Variants in SETD3 observed in about 807,000 individuals in gnomAD.
SETD3 encodes SET domain containing 3, actin N3(tau)-histidine methyltransferase.
In SETD3, 19 loss-of-function variants were observed where a neutral mutation model predicts 63.0. That is an observed-to-expected ratio of 0.30 (90% CI 0.21 to 0.44). The LOEUF (loss-of-function observed/expected upper bound fraction) is 0.44. Among genes scored for constraint, SETD3 ranks in the 20% least tolerant of loss-of-function variants. The probability of loss-of-function intolerance (pLI) is 1.00; values close to 1 mark genes in which losing one functional copy is unlikely to be tolerated. For missense variants in SETD3, 587 were observed against 728.5 expected (o/e 0.81, Z 2.24); for synonymous variants, 286 against 264.1 (o/e 1.08, Z -0.80).
chr14:99,476,542 G>A (rs532468596), intron 1 of SETD3, among the ~76,000 whole-genome samples: 46 of 152,296 alleles, frequency 3.0e-4, no homozygotes, highest in Admixed American at 2.6e-3. Flanking sequence ...ACCATGAGGT[G>A]ACCATGACAT....
At chr14:99,412,886 C>T (rs1186217371) in intron 8 of SETD3, 65 bp downstream of exon 8, 2 of 1,131,526 alleles carry the variant, frequency 1.8e-6, no homozygotes, top group Non-Finnish European at 2.7e-6. Context: ...AATAACAGCC[C>T]CCTCCCAAAG....
At position 99,441,874 on chromosome 14, in the gene SETD3, G is replaced by A. The variant is rs182515669; in HGVS notation, c.675+16405C>T. ...GAGCCCCTTGGTGGAGCTACATTGA[G>A]GAGGTCAAGAGCACAGGGACCCTTT... is the stretch of plus-strand genomic sequence containing the variant. On this transcript the variant is annotated intron_variant, in intron 6 of 12. Transcript: ENST00000331768. Among the ~76,000 whole-genome samples the A allele has an allele frequency of 1.5e-3, 228 of 152,314 alleles. 3 individuals carry two copies. The South Asian group carries it at 0.021, about 14-fold the overall frequency.
chr14:99,431,582 C>T (rs983746022), intron 6 of SETD3, among the ~76,000 whole-genome samples: 6 of 152,034 alleles, frequency 3.9e-5, no homozygotes, highest in African/African-American at 1.5e-4. Flanking sequence ...ACCTCCACTT[C>T]CCGGGTTCAA....
intron 6 of SETD3, among the ~76,000 whole-genome samples, chr14:99,430,491 C>T (rs1383716582): frequency 2.6e-5 from 4 of 152,126 alleles, no homozygotes; most frequent in African/African-American, 4.8e-5. Context: ...TTTCTGACAC[C>T]AGCACCAAAG....
chr14:99,425,213 A>G (rs979850366), intron 6 of SETD3, among the ~76,000 whole-genome samples: 2 of 152,210 alleles, frequency 1.3e-5, no homozygotes, highest in African/African-American at 2.4e-5. Flanking sequence ...TTGCTGAACT[A>G]AGGAGTCCTA....
rs1334346966 is a variant in SETD3 at position 99,400,231 on chromosome 14, G to C, written c.1206C>G (p.Asp402Glu). The C allele has an allele frequency of 1.9e-6, 3 of 1,613,312 alleles. No individual in the cohort carries two copies. The highest frequency in any genetic ancestry group is 4.5e-5 in the East Asian group (2 of 44,866). ...AGGTGAAGATTCTATCAATAGCGCT[G>C]TCTCCCAGCAAGTGTTCTTTCAGTT... ...EEELKEHLLG[D>E]SAIDRIFTLG... Residue 402 changes from aspartate (D) to glutamate (E), a missense_variant, in exon 12 of 13, where the codon GAC becomes GAG. Asp to Glu is a conservative substitution (Grantham distance 45). Transcript: ENST00000331768.
intron 6 of SETD3, among the ~76,000 whole-genome samples, chr14:99,437,229 A>G (rs1456902616): frequency 6.6e-6 from 1 of 152,182 alleles, no homozygotes; most frequent in Non-Finnish European, 1.5e-5. Context: ...TGCTACCTCA[A>G]GAGTTCTGTT....
intron 1 of SETD3, among the ~76,000 whole-genome samples, chr14:99,473,552 T>G (rs1341987088): frequency 6.6e-6 from 1 of 152,164 alleles, no homozygotes; most frequent in East Asian, 1.9e-4. Flanking sequence ...ACAGCATCTG[T>G]TTTTCAATGT....
At position 99,405,367 on chromosome 14, in the gene SETD3, T is replaced by C. The variant is rs201935728; in HGVS notation, c.929A>G (p.Tyr310Cys). The change falls in exon 10 of 13, where the codon TAC (tyrosine) becomes TGC (cysteine). Residue 310 changes from tyrosine (Y) to cysteine (C), a missense_variant. Transcript: ENST00000331768. ...LQDFRAGEQI[Y>C]IFYGTRSNAE... ...GTTGGATCGAGTGCCATAAAAAATG[T>C]AAATCTGAGATGCAGTAAAGAAAAA... is the stretch of plus-strand genomic sequence containing the variant. The C allele has an allele frequency of 1.2e-6, 2 of 1,608,392 alleles. No homozygotes were observed. The highest frequency in any genetic ancestry group is 1.7e-6 in the Non-Finnish European group (2 of 1,178,570).
At chr14:99,429,823 C>G (rs1376548266) in intron 6 of SETD3, among the ~76,000 whole-genome samples, 1 of 152,192 alleles carries the variant, frequency 6.6e-6, no homozygotes. Flanking sequence ...TTATGAAAAT[C>G]AAGTAATTTT....
intron 1 of SETD3, among the ~76,000 whole-genome samples, chr14:99,468,647 G>A (rs1016727018): frequency 2.7e-5 from 4 of 146,536 alleles, no homozygotes; most frequent in South Asian, 2.2e-4. Flanking sequence ...CTGCCTCCCC[G>A]TTCACCCCTT....
intron 4 of SETD3, among the ~76,000 whole-genome samples, chr14:99,459,672 C>G (rs1378269324): frequency 2.6e-5 from 4 of 152,236 alleles, no homozygotes; most frequent in African/African-American, 9.6e-5. Flanking sequence ...ACAACAGTTA[C>G]TAGTGAAATC....
At chr14:99,479,260 G>A (rs1896133501) in intron 1 of SETD3, among the ~76,000 whole-genome samples, 1 of 152,232 alleles carries the variant, frequency 6.6e-6, no homozygotes, top group African/African-American at 2.4e-5. Context: ...AAGAGGTTCT[G>A]TAGCTGTTTG....
chr14:99,456,741 G>A (rs1894783705), intron 6 of SETD3, among the ~76,000 whole-genome samples: 1 of 152,166 alleles, frequency 6.6e-6, no homozygotes, highest in African/African-American at 2.4e-5. Context: ...GTATTTTAGT[G>A]ACTCACAGCC....
chr14:99,403,449 A>ACTCTCTCT (rs1891492780), intron 11 of SETD3, among the ~76,000 whole-genome samples: 4 of 110,618 alleles, frequency 3.6e-5, no homozygotes, highest in African/African-American at 1.2e-4. Flanking sequence ...ACACACACAC[A>ACTCTCTCT]CACACACTCT....
chr14:99,482,181 G>C (rs537090273), upstream of SETD3, among the ~76,000 whole-genome samples: 1 of 152,338 alleles, frequency 6.6e-6, no homozygotes, highest in Non-Finnish European at 1.5e-5. Context: ...CGGAGCTTTC[G>C]CTAAGTCATC....
At chr14:99,424,626 T>C (rs993751447) in intron 6 of SETD3, among the ~76,000 whole-genome samples, 8 of 151,770 alleles carry the variant, frequency 5.3e-5, no homozygotes, top group African/African-American at 1.9e-4. Context: ...CTGACCTGAG[T>C]TCCTGACCAG....
At chr14:99,478,462 A>G (rs1296422261) in intron 1 of SETD3, among the ~76,000 whole-genome samples, 7 of 152,230 alleles carry the variant, frequency 4.6e-5, no homozygotes, top group Non-Finnish European at 8.8e-5. Context: ...AAAGAAAGAT[A>G]CAGTATTACT....
intron 3 of SETD3, among the ~76,000 whole-genome samples, chr14:99,461,634 A>G (rs1052373704): frequency 6.6e-6 from 1 of 152,250 alleles, no homozygotes; most frequent in Non-Finnish European, 1.5e-5. Flanking sequence ...AAGGGCAGAG[A>G]GCTTCTATTA....
Sources: allele counts gnomAD v4.1 joint callset (sites outside exome capture counted in the v4.1 genomes callset), GRCh38; gene constraint gnomAD v4.1.1; transcripts MANE v1.5; gene names NCBI Gene and HGNC (gene_info 2026-07-23, HGNC 2026-07-21).